LYRM4: variants seen among roughly 807,000 people sequenced by gnomAD.
LYRM4 encodes the protein LYR motif containing 4.
In LYRM4, 9 loss-of-function variants were observed where a neutral mutation model predicts 11.7. The observed-to-expected ratio is 0.77, with a 90% CI of 0.46 to 1.34. LYRM4 has a LOEUF of 1.34. LYRM4 is among the 40% of genes most tolerant of loss of function. The pLI is 0.00. For missense variants in LYRM4, 133 were observed against 112.5 expected (o/e 1.18, Z -0.82); for synonymous variants, 42 against 40.4 (o/e 1.04, Z -0.15).
chr6:5,108,585 A>G lies in LYRM4; in HGVS notation c.*838T>C, dbSNP rs989443865. The G allele has an allele frequency of 5.7e-6, 2 of 350,430 alleles. No individual in the cohort carries two copies. The highest frequency in any genetic ancestry group is 8.0e-6 in the Non-Finnish European group (2 of 249,316). 21.7% of individuals were successfully genotyped at this position (350,430 alleles called of 1,614,324 possible). A position where few individuals can be genotyped will look rare whatever the true frequency, so the allele number is the denominator to read the frequency against. On this transcript the variant is annotated 3_prime_UTR_variant, in exon 3 of 3. Transcript: ENST00000330636. ...AATCTGCAGAGAGGGAAGTGCTGAG[A>G]GATGTCTTTTTAAAAAGCTCTCCAA... is the stretch of plus-strand genomic sequence containing the variant.
chr6:5,121,525 T>C (rs936399711), intron 2 of LYRM4, among the ~76,000 whole-genome samples: 6 of 152,096 alleles, frequency 3.9e-5, no homozygotes, highest in African/African-American at 1.4e-4. Flanking sequence ...GGAGCTGGCA[T>C]TGCAGCATTG....
chr6:5,122,245 C>T (rs1036709791), intron 2 of LYRM4, among the ~76,000 whole-genome samples: 2 of 152,046 alleles, frequency 1.3e-5, no homozygotes, highest in African/African-American at 4.8e-5. Context: ...CTTGGTTGGA[C>T]GGTACAGAGA....
the LYRM4 span, among the ~76,000 whole-genome samples, chr6:5,084,342 G>C: frequency 6.6e-6 from 1 of 152,192 alleles, no homozygotes; most frequent in African/African-American, 2.4e-5. Flanking sequence ...TGGCAAGGCC[G>C]GAGCAGCAGG....
chr6:5,154,618 C>T (rs992479535), intron 2 of LYRM4, among the ~76,000 whole-genome samples: 4 of 152,150 alleles, frequency 2.6e-5, no homozygotes, highest in African/African-American at 7.2e-5. Context: ...AGATCGAGAC[C>T]ATCCTGACGA....
At chr6:5,074,748 T>G in the LYRM4 span, among the ~76,000 whole-genome samples, 6 of 151,894 alleles carry the variant, frequency 4.0e-5, no homozygotes, top group Non-Finnish European at 2.9e-5. Flanking sequence ...TTGGAGGAGA[T>G]TTCTCTAAGG....
intron 2 of LYRM4, among the ~76,000 whole-genome samples, chr6:5,124,289 C>T (rs2127605850): frequency 6.6e-6 from 1 of 152,324 alleles, no homozygotes; most frequent in Non-Finnish European, 1.5e-5. Flanking sequence ...CACTTTTCTC[C>T]TGCTGCTGCC....
intron 2 of LYRM4, among the ~76,000 whole-genome samples, chr6:5,175,770 G>A (rs1363452692): frequency 6.6e-6 from 1 of 152,160 alleles, no homozygotes; most frequent in Non-Finnish European, 1.5e-5. Context: ...ACACAGCTCT[G>A]CTCTGTCCTC....
the LYRM4 span, among the ~76,000 whole-genome samples, chr6:5,074,258 T>G: frequency 1.3e-5 from 2 of 152,194 alleles, no homozygotes; most frequent in South Asian, 4.1e-4. Context: ...TTCAGTAGTT[T>G]CACCATAAAT....
chr6:5,091,471 T>C, the LYRM4 span, among the ~76,000 whole-genome samples: 5 of 152,216 alleles, frequency 3.3e-5, no homozygotes, highest in Admixed American at 3.3e-4. Flanking sequence ...GGTCTGATTG[T>C]CAGAGTGCTA....
At chr6:5,207,343 A>T (rs1042132279) in intron 2 of LYRM4, among the ~76,000 whole-genome samples, 4 of 148,568 alleles carry the variant, frequency 2.7e-5, no homozygotes, top group Admixed American at 2.0e-4. Context: ...TATACACAGC[A>T]GGCAAGGGCT....
intron 2 of LYRM4, among the ~76,000 whole-genome samples, chr6:5,210,006 G>C (rs1408084231): frequency 1.3e-5 from 2 of 152,290 alleles, no homozygotes; most frequent in East Asian, 3.9e-4. Context: ...AAGGAAGAAG[G>C]CTAACAGCAG....
the LYRM4 span, chr6:5,033,284 T>G: frequency 1.3e-5 from 2 of 152,122 alleles, no homozygotes; most frequent in African/African-American, 4.8e-5. Flanking sequence ...GGGTGTGTTC[T>G]TCCTGCCACA....
chr6:5,229,658 C>T (rs1172828534), intron 1 of LYRM4, among the ~76,000 whole-genome samples: 1 of 152,134 alleles, frequency 6.6e-6, no homozygotes, highest in Non-Finnish European at 1.5e-5. Context: ...TATGGTAAAT[C>T]AACTGAAAGA....
chr6:5,037,299 CAT>C, the LYRM4 span, among the ~76,000 whole-genome samples: 6 of 19,800 alleles, frequency 3.0e-4, 1 homozygote, highest in Admixed American at 1.3e-3. Flanking sequence ...GGACACAGCA[CAT>C]GTTTCAGAGA....
In LYRM4 at chr6:5,143,420, C is replaced by T. The variant is rs146637282; in HGVS notation, c.208-33929G>A. The stretch of plus-strand genomic sequence containing the variant: ...ATGTGAATAATTCCTATTTCCTTAG[C>T]GTAATATATTGGTGACTGTGATACA... On this transcript the variant is annotated intron_variant, in intron 2 of 2. Transcript: ENST00000330636. Among the ~76,000 whole-genome samples, 473 of 152,252 alleles carry T rather than the reference C, an allele frequency of 3.1e-3. 1 individual carries two copies. The highest frequency in any genetic ancestry group is 0.011 in the African/African-American group (441 of 41,542).
chr6:5,229,231 G>C (rs556514082), intron 1 of LYRM4, among the ~76,000 whole-genome samples: 1 of 152,212 alleles, frequency 6.6e-6, no homozygotes, highest in East Asian at 1.9e-4. Context: ...AAGAGGTTTG[G>C]AAGTTTGAGA....
intron 1 of LYRM4, among the ~76,000 whole-genome samples, chr6:5,228,626 G>A (rs922290838): frequency 5.3e-5 from 8 of 152,102 alleles, no homozygotes; most frequent in Non-Finnish European, 1.2e-4. Context: ...AAAATCTTTG[G>A]AATATAGTCA....
chr6:5,037,653 T>A, the LYRM4 span, among the ~76,000 whole-genome samples: 1 of 31,980 alleles, frequency 3.1e-5, no homozygotes, highest in South Asian at 1.7e-3. Flanking sequence ...TCCCCCCACC[T>A]CCCTCCCGGA....
intron 2 of LYRM4, chr6:5,148,457 A>G (rs1757877647): frequency 6.1e-6 from 1 of 164,710 alleles, no homozygotes. Context: ...CTGAATCGTA[A>G]TCCTGAGCTG....
Sources: allele counts gnomAD v4.1 joint callset (sites outside exome capture counted in the v4.1 genomes callset), GRCh38; gene constraint gnomAD v4.1.1; transcripts MANE v1.5; gene names NCBI Gene and HGNC (gene_info 2026-07-23, HGNC 2026-07-21).